Variants in PTPRD observed in about 807,000 individuals in gnomAD.
PTPRD encodes the protein receptor-type tyrosine-protein phosphatase delta.
PTPRD carries 34 observed loss-of-function variants against 214.5 expected under a neutral mutation model. The ratio of observed to expected loss-of-function variants is 0.16; its 90% confidence interval spans 0.12 to 0.21. The LOEUF is 0.21. Ranked by LOEUF, PTPRD falls within the 10% of genes least tolerant of loss-of-function variation. The pLI is 1.00. For synonymous variants in PTPRD, 1,128 were observed against 845.7 expected (o/e 1.33, Z -5.79); for missense variants, 2,545 against 2,398.7 (o/e 1.06, Z -1.27).
intron 2 of PTPRD, among the ~76,000 whole-genome samples, chr9:10,548,225 T>C (rs936440502): frequency 6.6e-6 from 1 of 152,164 alleles, no homozygotes. Context: ...GATTAGAACA[T>C]ATGCGGAATG....
At chr9:10,606,701 G>A (rs1342725595) in intron 2 of PTPRD, among the ~76,000 whole-genome samples, 1 of 151,758 alleles carries the variant, frequency 6.6e-6, no homozygotes, top group Non-Finnish European at 1.5e-5. Context: ...GTATTCCTAT[G>A]ATACGTATGT....
chr9:10,147,273 T>TTA (rs999238116), intron 3 of PTPRD, among the ~76,000 whole-genome samples: 3 of 150,930 alleles, frequency 2.0e-5, no homozygotes, highest in Non-Finnish European at 3.0e-5. Flanking sequence ...TCTTTTTTTT[T>TTA]ATTATTATAC....
chr9:8,463,654 C>A (rs1249380794), intron 32 of PTPRD, among the ~76,000 whole-genome samples: 1 of 151,864 alleles, frequency 6.6e-6, no homozygotes, highest in Non-Finnish European at 1.5e-5. Context: ...ATGATACCAG[C>A]CTAATGAAAA....
chr9:9,897,402 T>A (rs899745214), intron 5 of PTPRD, among the ~76,000 whole-genome samples: 4 of 152,076 alleles, frequency 2.6e-5, no homozygotes, highest in African/African-American at 9.7e-5. Flanking sequence ...TTAGGATTTT[T>A]GTAAGTAAAA....
chr9:10,416,496 A>T (rs6474547), intron 2 of PTPRD, among the ~76,000 whole-genome samples: 111,326 of 151,416 alleles, frequency 0.74, 41,385 homozygotes, highest in Non-Finnish European at 0.81. Context: ...AAGAAATAGG[A>T]AGAAAAAGTA....
chr9:8,776,120 C>A (rs891395403), intron 11 of PTPRD, among the ~76,000 whole-genome samples: 1 of 152,132 alleles, frequency 6.6e-6, no homozygotes, highest in African/African-American at 2.4e-5. Context: ...ATTTCCTTGG[C>A]TCAATAACTA....
chr9:8,849,684 C>G (rs534583819), intron 11 of PTPRD, among the ~76,000 whole-genome samples: 6 of 152,222 alleles, frequency 3.9e-5, no homozygotes, highest in African/African-American at 1.2e-4. Flanking sequence ...AAAGAGGTGC[C>G]CAAAAGCACA....
At chr9:8,394,538 G>A (rs2090560951) in intron 36 of PTPRD, among the ~76,000 whole-genome samples, 1 of 152,146 alleles carries the variant, frequency 6.6e-6, no homozygotes, top group Non-Finnish European at 1.5e-5. Context: ...AGTTTACTCT[G>A]TGATCTTTGG....
chr9:8,549,233 T>G (rs1462940494), intron 14 of PTPRD, among the ~76,000 whole-genome samples: 1 of 151,972 alleles, frequency 6.6e-6, no homozygotes, highest in East Asian at 1.9e-4. Context: ...TTCCACCAGT[T>G]TTAGGGAGTA....
chr9:9,040,139 C>G (rs978195310), intron 10 of PTPRD, among the ~76,000 whole-genome samples: 1 of 152,140 alleles, frequency 6.6e-6, no homozygotes, highest in Non-Finnish European at 1.5e-5. Context: ...TTTACAAGCC[C>G]ATGCAAGGGG....
chr9:10,548,771 A>G (rs2060690688), intron 2 of PTPRD, among the ~76,000 whole-genome samples: 1 of 152,102 alleles, frequency 6.6e-6, no homozygotes, highest in East Asian at 1.9e-4. Context: ...AGATGTGTGC[A>G]CTCCAGGAGA....
intron 9 of PTPRD, among the ~76,000 whole-genome samples, chr9:9,298,497 G>A: frequency 6.6e-6 from 1 of 151,728 alleles, no homozygotes; most frequent in East Asian, 1.9e-4. Flanking sequence ...AAACGGGACA[G>A]AAAAGTTAAA....
chr9:9,428,402 G>A (rs1036124158), intron 8 of PTPRD, among the ~76,000 whole-genome samples: 1 of 152,140 alleles, frequency 6.6e-6, no homozygotes, highest in Non-Finnish European at 1.5e-5. Context: ...GATTCAAAAA[G>A]CAAGTCCATA....
intron 7 of PTPRD, among the ~76,000 whole-genome samples, chr9:9,687,997 G>A (rs2097195835): frequency 6.6e-6 from 1 of 151,786 alleles, no homozygotes; most frequent in South Asian, 2.1e-4. Context: ...ATTCTCATGG[G>A]ATCTGATGAT....
intron 14 of PTPRD, among the ~76,000 whole-genome samples, chr9:8,541,716 T>C (rs2078486728): frequency 6.6e-6 from 1 of 152,122 alleles, no homozygotes; most frequent in South Asian, 2.1e-4. Flanking sequence ...ATGTTTTTCT[T>C]CAAAATCTTT....
chr9:9,275,067 T>TA (rs1944506820), intron 9 of PTPRD, among the ~76,000 whole-genome samples: 10 of 64,862 alleles, frequency 1.5e-4, no homozygotes, highest in Non-Finnish European at 2.5e-4. Flanking sequence ...ATATATATAT[T>TA]ATATATATAT....
chr9:8,679,985 A>C (rs2097520256), intron 12 of PTPRD, among the ~76,000 whole-genome samples: 1 of 152,246 alleles, frequency 6.6e-6, no homozygotes, highest in South Asian at 2.1e-4. Flanking sequence ...AATTAATCTC[A>C]TTAAAATCCT....
chr9:10,368,367 G>C (rs1399155581), intron 2 of PTPRD, among the ~76,000 whole-genome samples: 1 of 152,076 alleles, frequency 6.6e-6, no homozygotes, highest in Non-Finnish European at 1.5e-5. Context: ...TTCTTTGCTA[G>C]AGACAGTGAT....
chr9:9,535,668 A>G (rs888247158), intron 8 of PTPRD, among the ~76,000 whole-genome samples: 2 of 152,126 alleles, frequency 1.3e-5, no homozygotes, highest in African/African-American at 4.8e-5. Context: ...TACATCCATT[A>G]GAGTTTAATG....
Sources: allele counts gnomAD v4.1 joint callset (sites outside exome capture counted in the v4.1 genomes callset), GRCh38; gene constraint gnomAD v4.1.1; transcripts MANE v1.5; gene names NCBI Gene and HGNC (gene_info 2026-07-23, HGNC 2026-07-21).